Variants in ZDHHC2 observed in about 807,000 individuals in gnomAD.
ZDHHC2 encodes the protein palmitoyltransferase ZDHHC2.
Under a neutral mutation model 55.6 loss-of-function variants are expected in ZDHHC2, and 51 were observed. The ratio of observed to expected loss-of-function variants is 0.92; its 90% CI spans 0.73 to 1.16. The LOEUF (loss-of-function observed/expected upper bound fraction) is 1.16. Among genes scored for constraint, ZDHHC2 ranks in the 50% most tolerant of loss-of-function variants. The pLI is 0.00. For missense variants in ZDHHC2, 491 were observed against 442.4 expected (o/e 1.11, Z -0.99); for synonymous variants, 199 against 152.9 (o/e 1.30, Z -2.22).
intron 1 of ZDHHC2, among the ~76,000 whole-genome samples, chr8:17,172,971 C>A (rs1804937807): frequency 6.6e-6 from 1 of 152,100 alleles, no homozygotes; most frequent in Non-Finnish European, 1.5e-5. Flanking sequence ...TTTTTTGTAT[C>A]CAAAGTTTGT....
intron 1 of ZDHHC2, among the ~76,000 whole-genome samples, chr8:17,167,008 C>T (rs1397896039): frequency 6.6e-6 from 1 of 152,176 alleles, no homozygotes; most frequent in African/African-American, 2.4e-5. Context: ...TTCTTATTAT[C>T]TGAAAATAAT....
intron 6 of ZDHHC2, among the ~76,000 whole-genome samples, chr8:17,204,207 G>T (rs1044474417): frequency 6.6e-6 from 1 of 152,158 alleles, no homozygotes; most frequent in Non-Finnish European, 1.5e-5. Flanking sequence ...TTTTTTGAGG[G>T]AGATGATGTA....
intron 12 of ZDHHC2, among the ~76,000 whole-genome samples, chr8:17,218,187 C>G (rs530752159): frequency 1.3e-5 from 2 of 152,172 alleles, no homozygotes; most frequent in Non-Finnish European, 2.9e-5. Context: ...TACAGTAGGT[C>G]AGACTGACTA....
chr8:17,193,340 C>T (rs1473850082), intron 3 of ZDHHC2, among the ~76,000 whole-genome samples: 3 of 152,214 alleles, frequency 2.0e-5, no homozygotes, highest in African/African-American at 7.2e-5. Flanking sequence ...CTCTGGATTA[C>T]CAGGCAGCGA....
At position 17,156,651 on chromosome 8, in the gene ZDHHC2, G is replaced by GGGCCCGCCCAGCCCGCCCCGGAGCCA. The variant is rs1804059161; in HGVS notation, c.-65_-40dup. ...AGGAGCCCGTCCAGCCAGGGGTGCC[G>GGGCCCGCCCAGCCCGCCCCGGAGCCA]GGCCCGCCCAGCCCGCCCCGGAGCC... On this transcript the variant is annotated 5_prime_UTR_variant, in exon 1 of 13. Coordinates refer to ENST00000262096, the MANE Select transcript of ZDHHC2 (RefSeq NM_016353.5). The GGGCCCGCCCAGCCCGCCCCGGAGCCA allele has an allele frequency of 3.4e-5, 38 of 1,133,140 alleles. No homozygotes were observed. The South Asian group carries it at 1.1e-3, about 34-fold the overall frequency. The allele number at this position is 1,133,140 out of a possible 1,614,324, so 70.2% of individuals were successfully genotyped here.
intron 1 of ZDHHC2, among the ~76,000 whole-genome samples, chr8:17,174,689 T>G (rs1331007531): frequency 1.3e-5 from 2 of 149,828 alleles, no homozygotes; most frequent in African/African-American, 4.9e-5. Flanking sequence ...ATTTTTGTGT[T>G]TGATATTGTG....
intron 1 of ZDHHC2, among the ~76,000 whole-genome samples, chr8:17,179,364 G>C (rs76882987): frequency 6.6e-6 from 1 of 152,088 alleles, no homozygotes; most frequent in South Asian, 2.1e-4. Flanking sequence ...ATCGATGATG[G>C]TTCTAGATTT....
chr8:17,199,637 T>TTCTTCTTCTTCTC, intron 6 of ZDHHC2, among the ~76,000 whole-genome samples: 1 of 98,434 alleles, frequency 1.0e-5, no homozygotes, highest in South Asian at 3.0e-4. Context: ...TTCTTCTTCT[T>TTCTTCTTCTTCTC]CTCCTCCTCC....
chr8:17,202,343 A>T (rs555660730), intron 6 of ZDHHC2, among the ~76,000 whole-genome samples: 33 of 152,218 alleles, frequency 2.2e-4, no homozygotes, highest in African/African-American at 7.7e-4. Context: ...CAGGGGAAAA[A>T]AATGAGTCTC....
intron 6 of ZDHHC2, among the ~76,000 whole-genome samples, chr8:17,200,078 A>G (rs918768171): frequency 6.6e-6 from 1 of 151,962 alleles, no homozygotes; most frequent in African/African-American, 2.4e-5. Flanking sequence ...TTCTCCTTAC[A>G]TTCATTTGTT....
intron 6 of ZDHHC2, among the ~76,000 whole-genome samples, chr8:17,200,163 G>A (rs760755646): frequency 5.9e-5 from 9 of 152,180 alleles, no homozygotes; most frequent in Non-Finnish European, 1.2e-4. Flanking sequence ...GGCATCTGGT[G>A]AACATCTCCC....
At chr8:17,212,041 T>G (rs961238871) in intron 10 of ZDHHC2, among the ~76,000 whole-genome samples, 1 of 152,130 alleles carries the variant, frequency 6.6e-6, no homozygotes, top group Admixed American at 6.6e-5. Flanking sequence ...ACCATGAGAT[T>G]TGGGAGAAAT....
intron 1 of ZDHHC2, among the ~76,000 whole-genome samples, chr8:17,179,513 G>A (rs1011487778): frequency 6.6e-6 from 1 of 152,088 alleles, no homozygotes; most frequent in Admixed American, 6.5e-5. Flanking sequence ...GGCTCAATCA[G>A]TTCTCCTGCC....
chr8:17,160,312 T>G (rs1207907338), intron 1 of ZDHHC2, among the ~76,000 whole-genome samples: 1 of 152,256 alleles, frequency 6.6e-6, no homozygotes, highest in Non-Finnish European at 1.5e-5. Context: ...TATATTACTT[T>G]CCTGCTCCTT....
chr8:17,187,339 T>C (rs1323300000), intron 3 of ZDHHC2, among the ~76,000 whole-genome samples: 3 of 152,206 alleles, frequency 2.0e-5, no homozygotes, highest in Admixed American at 6.5e-5. Context: ...CCTTGGCGTA[T>C]AGCCCAGTAC....
intron 12 of ZDHHC2, among the ~76,000 whole-genome samples, chr8:17,218,020 T>A (rs1422672504): frequency 6.6e-6 from 1 of 152,180 alleles, no homozygotes; most frequent in Non-Finnish European, 1.5e-5. Flanking sequence ...TAAAACAAAA[T>A]GATTTGCATC....
Position 17,156,871 on chromosome 8 carries a change from C to G in ZDHHC2, c.130+18C>G. On this transcript the variant is annotated intron_variant, in intron 1 of 12. Transcript: ENST00000262096. ...GTGCATAGGTGAGTGCGCCCCCCGC[C>G]GCGGCGCCCCCAGCGCAGCGCAGCC... 1 of 1,486,602 alleles carries G rather than the reference C, an allele frequency of 6.7e-7. No individual in the cohort carries two copies. Among genetic ancestry groups the G allele is most frequent in the Non-Finnish European group, 8.9e-7 (1 of 1,117,518 alleles). 92.1% of individuals were successfully genotyped at this position (1,486,602 alleles called of 1,614,324 possible). A position where few individuals can be genotyped will look rare whatever the true frequency, so the allele number is the denominator to read the frequency against.
intron 1 of ZDHHC2, among the ~76,000 whole-genome samples, chr8:17,181,824 A>T (rs1197833695): frequency 6.6e-6 from 1 of 152,140 alleles, no homozygotes; most frequent in Non-Finnish European, 1.5e-5. Context: ...TATTTTTCAT[A>T]TGTTATCTTT....
At position 17,208,310 on chromosome 8, in the gene ZDHHC2, CTATA is replaced by C. The variant is rs899526285; in HGVS notation, c.730+226_730+229del. 5.4e-5 allele frequency among the ~76,000 whole-genome samples: 8 copies of C among 147,972 alleles called. No homozygotes were observed. The East Asian group carries it at 7.9e-4, about 15-fold the overall frequency. On this transcript the variant is annotated intron_variant, in intron 8 of 12. Coordinates refer to ENST00000262096, the MANE Select transcript of ZDHHC2 (RefSeq NM_016353.5). ...CATATATATGTATATATATATGAGA[CTATA>C]TATATATCTATATATAGATATATAG... is the stretch of plus-strand genomic sequence containing the variant.
Sources: gnomAD v4.1 joint callset for allele counts (sites outside exome capture counted in the v4.1 genomes callset) on GRCh38, gnomAD v4.1.1 for gene constraint, MANE v1.5 for transcripts, NCBI Gene and HGNC (gene_info 2026-07-23, HGNC 2026-07-21) for gene names.